The following TMEFF2 variants were observed in gnomAD, a reference collection of about 807,000 sequenced individuals.
TMEFF2 encodes transmembrane protein with EGF like and two follistatin like domains 2, also known as tomoregulin-2.
Under a neutral mutation model 53.8 loss-of-function variants are expected in TMEFF2, and 28 were observed. The ratio of observed to expected loss-of-function variants is 0.52; its 90% confidence interval spans 0.39 to 0.71. The LOEUF is 0.71. Ranked by LOEUF, TMEFF2 falls within the 30% of genes least tolerant of loss-of-function variation. TMEFF2 has a pLI of 0.00. For missense variants in TMEFF2, 353 were observed against 455.2 expected, an observed-to-expected ratio of 0.78 and a Z score of 2.04; for synonymous variants, 162 against 166.3, an observed-to-expected ratio of 0.97 and a Z score of 0.20.
chr2:192,103,047 A>C (rs1296415037), intron 4 of TMEFF2, among the ~76,000 whole-genome samples: 1 of 151,998 alleles, frequency 6.6e-6, no homozygotes, highest in Non-Finnish European at 1.5e-5. Flanking sequence ...GGGAATAGTG[A>C]CTTCTCACTA....
At chr2:192,082,668 T>C (rs1248641522) in intron 4 of TMEFF2, among the ~76,000 whole-genome samples, 3 of 152,210 alleles carry the variant, frequency 2.0e-5, no homozygotes, top group Non-Finnish European at 4.4e-5. Context: ...CTGCTTTGCC[T>C]ATTTACTTAC....
chr2:191,964,337 TTTC>T (rs1692373486), intron 7 of TMEFF2, among the ~76,000 whole-genome samples: 1 of 27,364 alleles, frequency 3.7e-5, no homozygotes, highest in African/African-American at 1.3e-4. Context: ...TCTTTCCTTC[TTTC>T]TTTCTTTCTT....
chr2:192,150,699 T>TG (rs1204034889), intron 4 of TMEFF2, among the ~76,000 whole-genome samples: 2 of 150,602 alleles, frequency 1.3e-5, no homozygotes, highest in East Asian at 3.9e-4. Context: ...CTTCATGTTT[T>TG]TTTTTTTTTT....
chr2:192,120,033 A>G (rs1330390437), intron 4 of TMEFF2, among the ~76,000 whole-genome samples: 1 of 152,142 alleles, frequency 6.6e-6, no homozygotes, highest in African/African-American at 2.4e-5. Context: ...TGAAATAGAC[A>G]TCTCTTTATC....
Position 191,950,230 on chromosome 2 carries a change from C to CGTTGG in TMEFF2, c.*80_*81insCCAAC. 1 of 1,542,286 alleles carries CGTTGG rather than the reference C, an allele frequency of 6.5e-7. No individual in the cohort carries two copies. The highest frequency in any genetic ancestry group is 2.3e-5 in the East Asian group (1 of 43,236). On this transcript the variant is annotated 3_prime_UTR_variant, in exon 10 of 10. Transcript: ENST00000272771. ...AATGCAAGGCAACATGTGTAGATCT[C>CGTTGG]TTGTCTTATTCTTTTGTCTATAATA... is the stretch of plus-strand genomic sequence containing the variant.
chr2:192,091,118 C>T (rs940004508), intron 4 of TMEFF2, among the ~76,000 whole-genome samples: 1 of 152,140 alleles, frequency 6.6e-6, no homozygotes, highest in African/African-American at 2.4e-5. Context: ...ATTCCTACTC[C>T]AAGTAGTATC....
At chr2:192,056,100 C>G (rs1687902304) in intron 5 of TMEFF2, among the ~76,000 whole-genome samples, 1 of 152,130 alleles carries the variant, frequency 6.6e-6, no homozygotes, top group African/African-American at 2.4e-5. Flanking sequence ...GCCACATAAT[C>G]TTGTCTTAAT....
intron 8 of TMEFF2, among the ~76,000 whole-genome samples, chr2:191,954,581 T>C (rs540002939): frequency 6.6e-6 from 1 of 152,244 alleles, no homozygotes; most frequent in African/African-American, 2.4e-5. Context: ...CTGTTTTGGA[T>C]GAAACATTCT....
intron 7 of TMEFF2, among the ~76,000 whole-genome samples, chr2:191,970,017 A>G (rs546604262): frequency 5.3e-5 from 8 of 152,280 alleles, no homozygotes; most frequent in East Asian, 3.9e-4. Flanking sequence ...GTATTTCTCA[A>G]TCATCTATTG....
Position 192,184,368 on chromosome 2 carries a change from C to A in TMEFF2, c.398G>T (p.Gly133Val). The change falls in exon 3 of 10, where the codon GGA (glycine) becomes GTA (valine). Residue 133 changes from glycine (G) to valine (V), a missense_variant. Gly to Val is a moderately radical substitution (Grantham distance 109). This residue lies in a region of TMEFF2 where 294 missense variants were observed against 397.3 expected (regional missense o/e 0.74). Coordinates refer to ENST00000272771, the MANE Select transcript of TMEFF2 (RefSeq NM_016192.4). ...CACACACATACCTGTGGCACATGAT[C>A]CTTCTGACACCACAAGTATCTCACT... ...QQSEILVVSE[G>V]SCATDAGSGS... The A allele has an allele frequency of 6.2e-7, 1 of 1,613,156 alleles. No individual in the cohort carries two copies. The highest frequency in any genetic ancestry group is 8.5e-7 in the Non-Finnish European group (1 of 1,179,414).
At chr2:192,188,871 CT>C (rs1325969925) in intron 2 of TMEFF2, among the ~76,000 whole-genome samples, 1 of 150,636 alleles carries the variant, frequency 6.6e-6, no homozygotes, top group Non-Finnish European at 1.5e-5. Context: ...ATCTATCTAT[CT>C]ATCTATCTAT....
intron 7 of TMEFF2, 74 bp downstream of exon 7, chr2:191,998,188 G>A: frequency 8.5e-7 from 1 of 1,173,586 alleles, no homozygotes; most frequent in Non-Finnish European, 1.2e-6. Flanking sequence ...TTTGGAATAA[G>A]TAGTAAACAA....
intron 4 of TMEFF2, among the ~76,000 whole-genome samples, chr2:192,114,064 T>TTGTGTGTGTG (rs34553641): frequency 3.8e-4 from 54 of 143,164 alleles, no homozygotes; most frequent in African/African-American, 1.3e-3. Flanking sequence ...AATCTGGAAA[T>TTGTGTGTGTG]TGTGTGTGTG....
chr2:192,007,995 T>C (rs989284364), intron 5 of TMEFF2, among the ~76,000 whole-genome samples: 2 of 152,114 alleles, frequency 1.3e-5, no homozygotes, highest in African/African-American at 4.8e-5. Flanking sequence ...AAACTTATTA[T>C]AGGAGCTGCC....
At chr2:192,151,524 G>A (rs923457746) in intron 4 of TMEFF2, among the ~76,000 whole-genome samples, 1 of 151,964 alleles carries the variant, frequency 6.6e-6, no homozygotes, top group South Asian at 2.1e-4. Context: ...GGAAAATTGG[G>A]AAAGACGAGT....
At chr2:192,042,455 G>A (rs1035433885) in intron 5 of TMEFF2, among the ~76,000 whole-genome samples, 3 of 152,122 alleles carry the variant, frequency 2.0e-5, no homozygotes, top group Non-Finnish European at 4.4e-5. Flanking sequence ...AGTTCCAGCG[G>A]GCACCTAAAA....
intron 7 of TMEFF2, among the ~76,000 whole-genome samples, chr2:191,990,688 G>A (rs766365551): frequency 5.4e-5 from 8 of 149,120 alleles, no homozygotes; most frequent in East Asian, 4.1e-4. Context: ...TTTTCTCTTC[G>A]TCTTCCATGC....
chr2:191,991,250 A>G (rs1686097800), intron 7 of TMEFF2, among the ~76,000 whole-genome samples: 1 of 152,136 alleles, frequency 6.6e-6, no homozygotes. Context: ...TGACTTGGGT[A>G]GGAAAAATAA....
chr2:192,138,267 T>C (rs763342461), intron 4 of TMEFF2, among the ~76,000 whole-genome samples: 6 of 152,222 alleles, frequency 3.9e-5, no homozygotes, highest in Non-Finnish European at 8.8e-5. Flanking sequence ...GAATACTGCA[T>C]GTATGGTATA....
Sources: allele counts gnomAD v4.1 joint callset (sites outside exome capture counted in the v4.1 genomes callset), GRCh38; gene constraint gnomAD v4.1.1; regional missense constraint gnomAD v4.1.1; transcripts MANE v1.5; gene names NCBI Gene and HGNC (gene_info 2026-07-23, HGNC 2026-07-21).